HIBADH: variants seen among roughly 807,000 people sequenced by gnomAD.
HIBADH encodes 3-hydroxyisobutyrate dehydrogenase.
HIBADH carries 25 observed loss-of-function variants against 36.1 expected under a neutral mutation model. The ratio of observed to expected loss-of-function variants is 0.69; its 90% CI spans 0.50 to 0.97. The LOEUF is 0.97. HIBADH is among the 50% of genes least tolerant of loss of function. The probability of loss-of-function intolerance (pLI) is 0.00; values close to 1 mark genes in which losing one functional copy is unlikely to be tolerated. For missense variants in HIBADH, 421 were observed against 418.0 expected (o/e 1.01, Z -0.06); for synonymous variants, 160 against 149.5 (o/e 1.07, Z -0.51).
intron 4 of HIBADH, among the ~76,000 whole-genome samples, chr7:27,587,297 T>C (rs980267461): frequency 2.6e-5 from 4 of 152,146 alleles, no homozygotes; most frequent in Non-Finnish European, 5.9e-5. Context: ...GGAAAATTAA[T>C]TGCAAAAGAA....
intron 4 of HIBADH, among the ~76,000 whole-genome samples, chr7:27,586,614 A>AAGAAGG (rs1784867810): frequency 5.3e-5 from 3 of 57,026 alleles, no homozygotes; most frequent in Non-Finnish European, 9.5e-5. Flanking sequence ...TTGACCAGAA[A>AAGAAGG]TGAAGGGGAA....
At chr7:27,583,529 T>A (rs1784820882) in intron 4 of HIBADH, among the ~76,000 whole-genome samples, 6 of 152,032 alleles carry the variant, frequency 3.9e-5, no homozygotes, top group Admixed American at 3.9e-4. Flanking sequence ...TATATATTAA[T>A]AACTTTTTGT....
rs1398330959 is a variant in HIBADH, at chr7:27,562,802, T to C, written c.485-19702A>G. On this transcript the variant is annotated intron_variant, in intron 4 of 7. Transcript: ENST00000265395. The stretch of plus-strand genomic sequence containing the variant: ...TCTCAGACTTCCCTTTAGGATCCTT[T>C]AGGATCAAAGGATAACCTTTAGATG... Among the ~76,000 whole-genome samples, 5 of 152,208 alleles carry C rather than the reference T, an allele frequency of 3.3e-5. No individual in the cohort carries two copies. The East Asian group carries it at 9.6e-4, about 29-fold the overall frequency.
At chr7:27,633,587 C>T (rs1160782555) in intron 2 of HIBADH, among the ~76,000 whole-genome samples, 1 of 151,890 alleles carries the variant, frequency 6.6e-6, no homozygotes, top group Non-Finnish European at 1.5e-5. Flanking sequence ...TAAGTCCAGG[C>T]GTTGGAGGTT....
At chr7:27,650,546 G>A (rs1010222754) in intron 1 of HIBADH, among the ~76,000 whole-genome samples, 1 of 148,404 alleles carries the variant, frequency 6.7e-6, no homozygotes, top group Non-Finnish European at 1.5e-5. Flanking sequence ...AGATTGGAGG[G>A]CAGTAATGCA....
At chr7:27,638,328 A>AAAAAAAAAAAAAAAAAG (rs1554300517) in intron 2 of HIBADH, among the ~76,000 whole-genome samples, 1 of 112,678 alleles carries the variant, frequency 8.9e-6, no homozygotes, top group Non-Finnish European at 2.1e-5. Context: ...AAAAAAAAAA[A>AAAAAAAAAAAAAAAAAG]AACAAGCAAT....
chr7:27,560,607 T>C (rs1784450246), intron 4 of HIBADH, among the ~76,000 whole-genome samples: 1 of 152,192 alleles, frequency 6.6e-6, no homozygotes, highest in Non-Finnish European at 1.5e-5. Context: ...TTTAATATAA[T>C]TTTGTTTCAG....
chr7:27,659,500 AC>A (rs1002467397), intron 1 of HIBADH, among the ~76,000 whole-genome samples: 10 of 151,894 alleles, frequency 6.6e-5, no homozygotes, highest in African/African-American at 2.4e-4. Context: ...GGATCAGTTG[AC>A]CCCCAGAGTT....
intron 1 of HIBADH, among the ~76,000 whole-genome samples, chr7:27,659,781 G>T (rs908257557): frequency 6.6e-6 from 1 of 152,178 alleles, no homozygotes; most frequent in Non-Finnish European, 1.5e-5. Flanking sequence ...TGGCAGGCTG[G>T]GCACAGTGGC....
At chr7:27,538,548 C>G (rs9639553) in intron 5 of HIBADH, 131 bp from the exon 6 acceptor site, 537,884 of 738,792 alleles carry the variant, frequency 0.73, 197,868 homozygotes, top group East Asian at 0.94. Context: ...TTCTCGAGTG[C>G]GGAAGAGAAC....
At chr7:27,613,124 T>A (rs1268485186) in intron 4 of HIBADH, among the ~76,000 whole-genome samples, 3 of 109,480 alleles carry the variant, frequency 2.7e-5, no homozygotes, top group South Asian at 2.6e-4. Flanking sequence ...ATAAATATAT[T>A]TATATATATT....
At chr7:27,645,694 T>C (rs976473013) in intron 2 of HIBADH, among the ~76,000 whole-genome samples, 1 of 152,118 alleles carries the variant, frequency 6.6e-6, no homozygotes, top group African/African-American at 2.4e-5. Flanking sequence ...TCTGACTATG[T>C]TTCTACGATG....
At chr7:27,533,359 G>A (rs768754546) in intron 6 of HIBADH, among the ~76,000 whole-genome samples, 22 of 151,962 alleles carry the variant, frequency 1.4e-4, no homozygotes, top group Non-Finnish European at 2.9e-4. Flanking sequence ...GCATCCTGAG[G>A]GGCACACACA....
intron 5 of HIBADH, among the ~76,000 whole-genome samples, chr7:27,540,660 T>C (rs1018633630): frequency 6.6e-6 from 1 of 152,148 alleles, no homozygotes; most frequent in African/African-American, 2.4e-5. Context: ...ACAGTGACAA[T>C]CCTTCCCATA....
intron 4 of HIBADH, among the ~76,000 whole-genome samples, chr7:27,578,159 G>A (rs956328651): frequency 6.6e-6 from 1 of 152,156 alleles, no homozygotes; most frequent in Admixed American, 6.5e-5. Context: ...TGGAGCTGAA[G>A]ACATTACTTA....
At chr7:27,571,702 A>G (rs549935374) in intron 4 of HIBADH, among the ~76,000 whole-genome samples, 10 of 151,860 alleles carry the variant, frequency 6.6e-5, no homozygotes, top group Non-Finnish European at 2.9e-5. Flanking sequence ...ATTGTACTTG[A>G]TATTTATGAG....
intron 5 of HIBADH, among the ~76,000 whole-genome samples, chr7:27,540,802 G>A (rs1160230191): frequency 6.6e-6 from 1 of 152,128 alleles, no homozygotes; most frequent in Non-Finnish European, 1.5e-5. Flanking sequence ...ATTCTGGGTG[G>A]CCAGGGGTAC....
chr7:27,655,935 T>A (rs777944412), intron 1 of HIBADH, among the ~76,000 whole-genome samples: 7 of 152,182 alleles, frequency 4.6e-5, no homozygotes, highest in Non-Finnish European at 1.0e-4. Context: ...TAGGTCGACC[T>A]TTTGGATGGT....
At chr7:27,605,475 T>TTA (rs1369502033) in intron 4 of HIBADH, among the ~76,000 whole-genome samples, 1 of 90,920 alleles carries the variant, frequency 1.1e-5, no homozygotes, top group African/African-American at 5.2e-5. Flanking sequence ...TTTTTTTTTT[T>TTA]ACAAGACCCA....
Sources: allele counts gnomAD v4.1 joint callset (sites outside exome capture counted in the v4.1 genomes callset), GRCh38; gene constraint gnomAD v4.1.1; transcripts MANE v1.5; gene names NCBI Gene and HGNC (gene_info 2026-07-23, HGNC 2026-07-21).